Variants in NBAS observed in about 807,000 individuals in gnomAD.
NBAS encodes the protein NAG/BC035112 fusion.
In NBAS, 219 loss-of-function variants were observed where a neutral mutation model predicts 302.5. The ratio of observed to expected loss-of-function variants is 0.72; its 90% CI spans 0.65 to 0.81. The LOEUF (loss-of-function observed/expected upper bound fraction) is 0.81, where lower values mean the gene tolerates loss of function less well. NBAS is among the 30% of genes least tolerant of loss of function. The pLI is 0.00. For missense variants in NBAS, 2,932 were observed against 2,841.6 expected (o/e 1.03, Z -0.72); for synonymous variants, 1,118 against 1,021.6 (o/e 1.09, Z -1.80).
chr2:15,094,516 A>G, the NBAS span, among the ~76,000 whole-genome samples: 1 of 152,066 alleles, frequency 6.6e-6, no homozygotes, highest in Non-Finnish European at 1.5e-5. Context: ...GGGAAAAAAT[A>G]TAACTCCGGG....
chr2:15,034,214 G>C, the NBAS span, among the ~76,000 whole-genome samples: 8,426 of 24,696 alleles, frequency 0.34, 1,576 homozygotes, highest in East Asian at 0.68. Flanking sequence ...GGAAAGGAAA[G>C]AAAGAGAGGG....
At chr2:15,544,797 G>T (rs184191620) in intron 6 of NBAS, among the ~76,000 whole-genome samples, 236 of 152,256 alleles carry the variant, frequency 1.6e-3, no homozygotes, top group African/African-American at 5.6e-3. Flanking sequence ...GGATAACGAG[G>T]TCAGGAGTTC....
intron 9 of NBAS, among the ~76,000 whole-genome samples, chr2:15,534,137 C>T (rs1441367434): frequency 6.6e-6 from 1 of 152,126 alleles, no homozygotes; most frequent in Non-Finnish European, 1.5e-5. Flanking sequence ...AACTGTGCAA[C>T]ATCAGTGCAG....
At chr2:15,204,155 G>A (rs978121618) in intron 48 of NBAS, among the ~76,000 whole-genome samples, 15 of 151,954 alleles carry the variant, frequency 9.9e-5, no homozygotes, top group Non-Finnish European at 1.6e-4. Context: ...CAGTGACTTG[G>A]AAGGCTGAGG....
chr2:15,308,502 T>C (rs113763113), intron 39 of NBAS, 149 bp from the exon 40 acceptor site: 10 of 1,019,890 alleles, frequency 9.8e-6, no homozygotes, highest in Middle Eastern at 3.0e-4. Flanking sequence ...ATAATGACTA[T>C]ATTAAAAATC....
At chr2:15,077,135 C>T in the NBAS span, among the ~76,000 whole-genome samples, 1 of 152,098 alleles carries the variant, frequency 6.6e-6, no homozygotes, top group African/African-American at 2.4e-5. Flanking sequence ...CTGGGGAGGC[C>T]TCAGGAAACT....
At chr2:14,859,513 A>G in the NBAS span, among the ~76,000 whole-genome samples, 1 of 152,214 alleles carries the variant, frequency 6.6e-6, no homozygotes, top group Non-Finnish European at 1.5e-5. Context: ...AATGGAAAAA[A>G]TAGAGAACCC....
At chr2:14,858,917 G>A in the NBAS span, among the ~76,000 whole-genome samples, 4 of 151,832 alleles carry the variant, frequency 2.6e-5, no homozygotes, top group Admixed American at 6.6e-5. Context: ...TACCTATATC[G>A]AAATATCTCA....
downstream of NBAS, among the ~76,000 whole-genome samples, chr2:15,166,300 C>A (rs113717931): frequency 2.2e-3 from 331 of 152,278 alleles, 1 homozygote; most frequent in African/African-American, 7.6e-3. Context: ...CCCCACCCAC[C>A]TGCCTATGTA....
chr2:14,846,197 G>A, the NBAS span, among the ~76,000 whole-genome samples: 1 of 152,154 alleles, frequency 6.6e-6, no homozygotes. Flanking sequence ...GCTTGAATAT[G>A]TCTGCCAGCC....
intron 16 of NBAS, among the ~76,000 whole-genome samples, chr2:15,471,985 A>T (rs1003493098): frequency 2.6e-5 from 4 of 152,248 alleles, no homozygotes; most frequent in African/African-American, 9.6e-5. Context: ...AATTGAGACA[A>T]GACTATATTA....
chr2:15,541,020 C>G (rs866449139), intron 6 of NBAS, among the ~76,000 whole-genome samples: 1 of 152,008 alleles, frequency 6.6e-6, no homozygotes, highest in Non-Finnish European at 1.5e-5. Context: ...CACCGCACCC[C>G]GCCCATACGT....
the NBAS span, among the ~76,000 whole-genome samples, chr2:14,985,426 C>A: frequency 7.9e-5 from 12 of 152,310 alleles, no homozygotes; most frequent in African/African-American, 2.6e-4. Flanking sequence ...GGAAACATAT[C>A]CCGCAGCTGC....
intron 2 of NBAS, 109 bp downstream of exon 2, chr2:15,558,471 T>G (rs1664748847): frequency 1.4e-6 from 1 of 738,662 alleles, no homozygotes; most frequent in Non-Finnish European, 2.3e-6. Flanking sequence ...TATATATAAT[T>G]AAACTCAGAT....
the NBAS span, among the ~76,000 whole-genome samples, chr2:14,897,025 C>T: frequency 6.6e-6 from 1 of 150,990 alleles, no homozygotes; most frequent in African/African-American, 2.4e-5. Context: ...GGGAGGGGAG[C>T]AGTAATTCGT....
intron 48 of NBAS, among the ~76,000 whole-genome samples, chr2:15,209,045 C>T (rs1042321725): frequency 2.0e-5 from 3 of 151,742 alleles, no homozygotes; most frequent in African/African-American, 7.3e-5. Context: ...ACTGACAAAT[C>T]TTTAGACAGA....
At chr2:15,365,481 G>C (rs916861160) in intron 32 of NBAS, among the ~76,000 whole-genome samples, 1 of 152,166 alleles carries the variant, frequency 6.6e-6, no homozygotes, top group African/African-American at 2.4e-5. Context: ...TCCAGATGCA[G>C]AAAATGGAAC....
intron 15 of NBAS, among the ~76,000 whole-genome samples, chr2:15,473,865 T>A (rs192606673): frequency 2.5e-4 from 38 of 152,310 alleles, no homozygotes; most frequent in Admixed American, 1.3e-3. Context: ...TGAATTCAAT[T>A]TTTATCCATG....
Position 15,391,549 on chromosome 2 carries a change from A to T in NBAS, c.3257+2678T>A, listed in dbSNP as rs578257438. Among the ~76,000 whole-genome samples, 14 of 152,280 alleles carry T rather than the reference A, an allele frequency of 9.2e-5. No individual in the cohort carries two copies. The East Asian group carries it at 2.3e-3, about 25-fold the overall frequency. ...ACAAGTAACACAGTATTGATGAGCC[A>T]TGAGGCAACCTGAAAGGTCCTAATA... On this transcript the variant is annotated intron_variant, in intron 28 of 51. Coordinates refer to ENST00000281513, the MANE Select transcript of NBAS (RefSeq NM_015909.4).
Sources: gnomAD v4.1 joint callset for allele counts (sites outside exome capture counted in the v4.1 genomes callset) on GRCh38, gnomAD v4.1.1 for gene constraint, MANE v1.5 for transcripts, NCBI Gene and HGNC (gene_info 2026-07-23, HGNC 2026-07-21) for gene names.